The following ABCD4 variants were observed in gnomAD, a reference collection of about 807,000 sequenced individuals.
The protein encoded by ABCD4 is lysosomal cobalamin transporter ABCD4.
Under a neutral mutation model 86.3 loss-of-function variants are expected in ABCD4, and 53 were observed. The ratio of observed to expected loss-of-function variants is 0.61; its 90% CI spans 0.49 to 0.77. The LOEUF (loss-of-function observed/expected upper bound fraction) is 0.77. ABCD4 is among the 30% of genes least tolerant of loss of function. ABCD4 has a pLI of 0.00. For synonymous variants in ABCD4, 328 were observed against 313.6 expected (o/e 1.05, Z -0.49); for missense variants, 757 against 764.5 (o/e 0.99, Z 0.12).
At chr14:74,297,344 CT>C (rs1415835690) in intron 4 of ABCD4, 1 of 152,110 alleles carries the variant, frequency 6.6e-6, no homozygotes, top group East Asian at 1.9e-4. Context: ...GGCTTGGTGA[CT>C]TTAAGAGTTA....
At chr14:74,299,353 A>C in intron 3 of ABCD4, 195 bp downstream of exon 3, 1 of 611,632 alleles carries the variant, frequency 1.6e-6, no homozygotes, top group Non-Finnish European at 2.8e-6. Flanking sequence ...GAAACATCTG[A>C]GGAATCAGTC....
chr14:74,300,271 G>A lies in ABCD4; in HGVS notation c.39-3C>T. 2 of 1,599,360 alleles carry A rather than the reference G, an allele frequency of 1.3e-6. No homozygotes were observed. The highest frequency in any genetic ancestry group is 2.2e-5 in the East Asian group (1 of 44,810). ...GAAATTGCAGATCTAACCTGGGCCT[G>A]AAGAGAAGGTGGGGAGGCAGAGAAA... On this transcript the variant is annotated splice_polypyrimidine_tract_variant and splice_region_variant and intron_variant, in intron 1 of 18. Transcript: ENST00000356924.
intron 3 of ABCD4, 104 bp from the exon 4 acceptor site, chr14:74,298,173 T>A: frequency 6.6e-7 from 1 of 1,513,368 alleles, no homozygotes; most frequent in Non-Finnish European, 8.8e-7. Context: ...CCCAGCCCAC[T>A]CTGACTCTGA....
intron 11 of ABCD4, among the ~76,000 whole-genome samples, chr14:74,290,771 G>A (rs2081292874): frequency 1.5e-5 from 2 of 136,308 alleles, no homozygotes; most frequent in African/African-American, 2.8e-5. Context: ...TGCAACCTCC[G>A]CCTCCTGGGT....
intron 11 of ABCD4, among the ~76,000 whole-genome samples, chr14:74,291,903 A>C (rs1248388725): frequency 3.3e-5 from 5 of 152,146 alleles, no homozygotes; most frequent in Non-Finnish European, 7.4e-5. Flanking sequence ...AATATTACAG[A>C]TCCACGCAGA....
rs1052354116 is a variant in ABCD4, at chr14:74,295,260, A to G, written c.669-62T>C. 17 of 1,595,300 alleles carry G rather than the reference A, an allele frequency of 1.1e-5. No individual in the cohort carries two copies. In the African/African-American group the frequency reaches 2.0e-4, roughly 19 times the overall value. On this transcript the variant is annotated intron_variant, in intron 6 of 18. Coordinates refer to ENST00000356924, the MANE Select transcript of ABCD4 (RefSeq NM_005050.4). Reference sequence around the variant, plus strand: ...GGAGTACTGGCCTCACTCTTGTTGGAGTCCTGGATCACAAAGACCGCCCAA... The same window carrying G: ...GGAGTACTGGCCTCACTCTTGTTGGGGTCCTGGATCACAAAGACCGCCCAA...
At chr14:74,291,615 C>T (rs1038674499) in intron 11 of ABCD4, among the ~76,000 whole-genome samples, 1 of 152,194 alleles carries the variant, frequency 6.6e-6, no homozygotes, top group Non-Finnish European at 1.5e-5. Context: ...AGCCTCTGCA[C>T]TCATGGTTGC....
In ABCD4 at chr14:74,300,307, A is replaced by G. The variant is rs767541509; in HGVS notation, c.39-39T>C. On this transcript the variant is annotated intron_variant, in intron 1 of 18. Coordinates refer to ENST00000356924, the MANE Select transcript of ABCD4 (RefSeq NM_005050.4). ...GGGGAGGCAGAGAAAAGCCCAAGAC[A>G]ATAATTAAGCCTTAGGGAGTAGTTA... 4 of 1,364,266 alleles carry G rather than the reference A, an allele frequency of 2.9e-6. No homozygotes were observed. The South Asian group carries it at 4.7e-5, about 16-fold the overall frequency. 84.5% of individuals were successfully genotyped at this position (1,364,266 alleles called of 1,614,324 possible).
chr14:74,290,090 C>A lies in ABCD4; in HGVS notation c.1356G>T (p.Gly452=). 2 of 1,614,048 alleles carry A rather than the reference C, an allele frequency of 1.2e-6. No individual in the cohort carries two copies. The highest frequency in any genetic ancestry group is 1.7e-5 in the Admixed American group (1 of 60,014). The part of the protein sequence containing the change: ...RGSVQMLTDF[G]PHGVLFLPQK... ...GTGGCAGGAATAGCACCCCATGGGG[C>A]CCAAAGTCCGTCAGCATCTGCACTG... is the stretch of plus-strand genomic sequence containing the variant. The change falls in exon 13 of 19, where the codon GGG becomes GGT. Residue 452 remains glycine (G), a synonymous_variant. Transcript: ENST00000356924.
At chr14:74,293,016 C>T in intron 8 of ABCD4, 138 bp downstream of exon 8, 1 of 1,457,204 alleles carries the variant, frequency 6.9e-7, no homozygotes, top group Non-Finnish European at 9.4e-7. Flanking sequence ...AGAAAGGCAA[C>T]AGCCCCCCCT....
chr14:74,297,250 C>T (rs1194433461), intron 4 of ABCD4: 1 of 152,238 alleles, frequency 6.6e-6, no homozygotes, highest in Non-Finnish European at 1.5e-5. Context: ...TGTACATGTG[C>T]ATTACATGAA....
At chr14:74,296,573 T>C (rs1185604563) in intron 4 of ABCD4, 124 bp from the exon 5 acceptor site, 5 of 812,514 alleles carry the variant, frequency 6.2e-6, no homozygotes, top group Non-Finnish European at 7.9e-6. Context: ...ACTGACCCTA[T>C]GGGAAGAGGG....
chr14:74,302,802 G>A, intron 1 of ABCD4, 73 bp downstream of exon 1: 3 of 1,422,258 alleles, frequency 2.1e-6, no homozygotes, highest in South Asian at 1.4e-5. Context: ...ACGAGGCACG[G>A]AGGGCAGGAA....
intron 14 of ABCD4, 98 bp downstream of exon 14, chr14:74,289,385 G>T: frequency 6.5e-7 from 1 of 1,548,986 alleles, no homozygotes; most frequent in Non-Finnish European, 8.7e-7. Context: ...CGGCCTGGCT[G>T]GAGCCTCTCC....
rs988025549 is a variant in ABCD4 at position 74,290,422 on chromosome 14, G to C, written c.1196C>G (p.Ser399Cys). 3 of 1,614,032 alleles carry C rather than the reference G, an allele frequency of 1.9e-6. No homozygotes were observed. Among genetic ancestry groups the C allele is most frequent in the Admixed American group, 1.7e-5 (1 of 59,994 alleles). ...CAGATCCTTGATTAGGGGTTTGTCA[G>C]AGGAGGGGGCAGAGATGGAGACCCG... ...LERVSISAPS[S>C]DKPLIKDLSL... Residue 399 changes from serine to cysteine, a missense_variant, in exon 12 of 19, where the codon TCT becomes TGT. Transcript: ENST00000356924.
rs114896206 is a variant in ABCD4, at chr14:74,289,844, T to C, written c.1419+183A>G. 2,851 of 1,448,826 alleles carry C rather than the reference T, an allele frequency of 2.0e-3. 62 individuals are homozygous for C. In the African/African-American group the frequency reaches 0.036, roughly 18 times the overall value. The allele number at this position is 1,448,826 out of a possible 1,614,324, so 89.7% of individuals were successfully genotyped here. On this transcript the variant is annotated intron_variant, in intron 13 of 18. Coordinates refer to ENST00000356924, the MANE Select transcript of ABCD4 (RefSeq NM_005050.4). ...CTGCCTCAGGAGCTGCTATGAGTAG[T>C]GGGCCCAATCCATGGATGTGAATAG...
rs199986349 is a variant in ABCD4 at position 74,290,293 on chromosome 14, C to T, written c.1325G>A (p.Arg442Gln). 401 of 1,614,046 alleles carry T rather than the reference C, an allele frequency of 2.5e-4. No individual in the cohort carries two copies. Among genetic ancestry groups the T allele is most frequent in the Admixed American group, 6.2e-4 (37 of 60,000 alleles). Residue 442 changes from arginine to glutamine, a missense_variant and splice_region_variant, in exon 12 of 19, where the codon CGG becomes CAG. Arg to Gln is a conservative substitution (Grantham distance 43). Transcript: ENST00000356924. ...GGCAGGGAGGGCCTGGCTCTCACCC[C>T]GTGTACTCGTCCAGAGGCCACCCAG... ...RVLGGLWTST[R>Q]GSVQMLTDFG...
At chr14:74,294,978 C>T in intron 7 of ABCD4, 170 bp downstream of exon 7, 1 of 752,866 alleles carries the variant, frequency 1.3e-6, no homozygotes. Context: ...ACCCCTGGAC[C>T]TAAGGATGAG....
intron 17 of ABCD4, among the ~76,000 whole-genome samples, chr14:74,287,136 C>T (rs1223056404): frequency 6.6e-6 from 1 of 152,218 alleles, no homozygotes; most frequent in African/African-American, 2.4e-5. Context: ...ACCCATCCAC[C>T]TGCCAGGCAC....
Sources: gnomAD v4.1 joint callset for allele counts (sites outside exome capture counted in the v4.1 genomes callset) on GRCh38, gnomAD v4.1.1 for gene constraint, MANE v1.5 for transcripts, NCBI Gene and HGNC (gene_info 2026-07-23, HGNC 2026-07-21) for gene names.